Variants in HCK observed in about 807,000 individuals in gnomAD.
The protein encoded by HCK is HCK proto-oncogene, Src family tyrosine kinase, also known as tyrosine-protein kinase HCK.
In HCK, 40 loss-of-function variants were observed where a neutral mutation model predicts 70.4. The ratio of observed to expected loss-of-function variants is 0.57; its 90% CI spans 0.44 to 0.74. HCK has a LOEUF of 0.74. Among genes scored for constraint, HCK ranks in the 30% least tolerant of loss-of-function variants. HCK has a pLI of 0.00. For missense variants in HCK, 568 were observed against 697.2 expected (o/e 0.81, Z 2.09); for synonymous variants, 245 against 263.2 (o/e 0.93, Z 0.67).
At chr20:32,098,489 AG>A (rs2045987204) in intron 11 of HCK, among the ~76,000 whole-genome samples, 2 of 152,086 alleles carry the variant, frequency 1.3e-5, no homozygotes, top group Admixed American at 1.3e-4. Flanking sequence ...TGTCTCTAAA[AG>A]AAAAAAAAAA....
At chr20:32,079,908 CT>C in intron 6 of HCK, 31 bp downstream of exon 6, 1 of 1,485,402 alleles carries the variant, frequency 6.7e-7, no homozygotes, top group African/African-American at 1.4e-5. Context: ...CTTGTCCTCC[CT>C]GCCGAGGTGC....
At chr20:32,072,648 T>C (rs980963050) in intron 2 of HCK, 1 of 151,676 alleles carries the variant, frequency 6.6e-6, no homozygotes, top group African/African-American at 2.4e-5. Flanking sequence ...GACACTTAGA[T>C]TGTTTCACAT....
chr20:32,058,605 AACACACACACACACACAC>A (rs60349531), intron 1 of HCK, among the ~76,000 whole-genome samples: 1 of 142,334 alleles, frequency 7.0e-6, no homozygotes, highest in Non-Finnish European at 1.5e-5. Context: ...TTTATGTCAA[AACACACACACACACACAC>A]ACACACACAC....
chr20:32,088,967 C>G (rs1361779304), intron 10 of HCK, among the ~76,000 whole-genome samples: 1 of 152,238 alleles, frequency 6.6e-6, no homozygotes, highest in Admixed American at 6.5e-5. Flanking sequence ...GGTGGTTCTT[C>G]TGCTCGTCAT....
intron 6 of HCK, among the ~76,000 whole-genome samples, chr20:32,081,263 C>G (rs1195264767): frequency 6.6e-6 from 1 of 152,164 alleles, no homozygotes; most frequent in Non-Finnish European, 1.5e-5. Context: ...GTTTTAATGT[C>G]AGGTGACCAG....
At chr20:32,094,158 C>G in intron 11 of HCK, 142 bp downstream of exon 11, 1 of 744,694 alleles carries the variant, frequency 1.3e-6, no homozygotes. Context: ...GTGGATCCTT[C>G]TGGATAATGT....
intron 11 of HCK, among the ~76,000 whole-genome samples, chr20:32,096,807 T>C (rs2045962880): frequency 6.6e-6 from 1 of 152,036 alleles, no homozygotes; most frequent in Non-Finnish European, 1.5e-5. Flanking sequence ...CAGGCTGCAG[T>C]CACCTTAAGT....
intron 5 of HCK, among the ~76,000 whole-genome samples, chr20:32,078,201 A>ATTTTTTTTT (rs1196535364): frequency 7.4e-6 from 1 of 134,638 alleles, no homozygotes; most frequent in African/African-American, 2.8e-5. Flanking sequence ...TGCTCGGCTA[A>ATTTTTTTTT]TTTTTTTTTT....
At chr20:32,067,531 C>CTTTTTT (rs11482239) in intron 1 of HCK, among the ~76,000 whole-genome samples, 10 of 110,338 alleles carry the variant, frequency 9.1e-5, no homozygotes, top group Admixed American at 1.2e-4. Context: ...GATGCTTTTA[C>CTTTTTT]TTTTTTTTTT....
At chr20:32,060,955 C>G (rs145833354) in intron 1 of HCK, among the ~76,000 whole-genome samples, 1 of 151,512 alleles carries the variant, frequency 6.6e-6, no homozygotes, top group Non-Finnish European at 1.5e-5. Flanking sequence ...ACTGCCATGC[C>G]GTATTTTTTT....
At position 32,093,994 on chromosome 20, in the gene HCK, C is replaced by T; in HGVS notation, c.1224C>T (p.Asp408=). ...TTGGCCTGGCCCGGGTCATTGAGGACAACGAGTACACGGCTCGGGAAGGTA... is the reference window on the plus strand; with the variant it reads ...TTGGCCTGGCCCGGGTCATTGAGGATAACGAGTACACGGCTCGGGAAGGTA... The change falls in exon 11 of 13, where the codon GAC becomes GAT. Residue 408 remains aspartate, a synonymous_variant. Coordinates refer to ENST00000375852, the MANE Select transcript of HCK (RefSeq NM_002110.5). 1.2e-6 allele frequency: 2 copies of T among 1,613,796 alleles called. No individual in the cohort carries two copies. Among genetic ancestry groups the T allele is most frequent in the Non-Finnish European group, 1.7e-6 (2 of 1,179,888 alleles).
At chr20:32,075,756 C>G (rs2045614877) in intron 5 of HCK, among the ~76,000 whole-genome samples, 1 of 151,756 alleles carries the variant, frequency 6.6e-6, no homozygotes, top group African/African-American at 2.4e-5. Context: ...CAACAGATAC[C>G]TGTTGATTCC....
At chr20:32,100,914 TG>T (rs1204628012) in intron 12 of HCK, among the ~76,000 whole-genome samples, 2 of 152,212 alleles carry the variant, frequency 1.3e-5, no homozygotes, top group Non-Finnish European at 2.9e-5. Context: ...CATTGGTGAC[TG>T]GTTAGTTCAG....
At chr20:32,088,667 GGGAAGGGAAACA>G (rs1294956530) in intron 10 of HCK, 23 bp downstream of exon 10, 16 of 1,598,222 alleles carry the variant, frequency 1.0e-5, no homozygotes, top group African/African-American at 1.3e-5. Context: ...CGAGGAAACG[GGGAAGGGAAACA>G]GGAATTCGAT....
At chr20:32,059,385 T>C (rs1280924754) in intron 1 of HCK, among the ~76,000 whole-genome samples, 1 of 149,696 alleles carries the variant, frequency 6.7e-6, no homozygotes, top group Non-Finnish European at 1.5e-5. Context: ...CTCCACTTTC[T>C]TCTTCTCTTC....
chr20:32,068,956 ACACT>A (rs920900575), intron 1 of HCK, among the ~76,000 whole-genome samples: 4 of 152,066 alleles, frequency 2.6e-5, no homozygotes, highest in Non-Finnish European at 5.9e-5. Context: ...AAAACAAATC[ACACT>A]TTATTGTGCA....
chr20:32,062,168 G>A (rs1258589345), intron 1 of HCK, among the ~76,000 whole-genome samples: 1 of 152,082 alleles, frequency 6.6e-6, no homozygotes, highest in African/African-American at 2.4e-5. Context: ...TCCAACTCCT[G>A]ACCTCAGGTG....
In HCK at chr20:32,090,342, G is replaced by A. The variant is rs76838786; in HGVS notation, c.1092+1698G>A. On this transcript the variant is annotated intron_variant, in intron 10 of 12. Transcript: ENST00000375852. Reference sequence around the variant, plus strand: ...ATTCAGAGCCCAGGGACAGAAAGGAGCCCACCTGGGGCTTTGGTCTTCACC... The same window carrying A: ...ATTCAGAGCCCAGGGACAGAAAGGAACCCACCTGGGGCTTTGGTCTTCACC... Among the ~76,000 whole-genome samples, 581 of 152,352 alleles carry A rather than the reference G, an allele frequency of 3.8e-3. 3 individuals are homozygous for A. The highest frequency in any genetic ancestry group is 0.013 in the African/African-American group (553 of 41,574).
At chr20:32,057,976 C>A (rs369900759) in intron 1 of HCK, among the ~76,000 whole-genome samples, 3 of 152,278 alleles carry the variant, frequency 2.0e-5, no homozygotes, top group Middle Eastern at 3.4e-3. Flanking sequence ...GATGGCACTG[C>A]GCTAGGACGT....
Sources: allele counts gnomAD v4.1 joint callset (sites outside exome capture counted in the v4.1 genomes callset), GRCh38; gene constraint gnomAD v4.1.1; transcripts MANE v1.5; gene names NCBI Gene and HGNC (gene_info 2026-07-23, HGNC 2026-07-21).